Variants in KDM5A observed in about 807,000 individuals in gnomAD.
KDM5A encodes the protein lysine-specific demethylase 5A.
In KDM5A, 42 loss-of-function variants were observed where a neutral mutation model predicts 193.5. The observed-to-expected ratio is 0.22, with a 90% CI of 0.17 to 0.28. KDM5A has a LOEUF of 0.28. Ranked by LOEUF, KDM5A falls within the 10% of genes least tolerant of loss-of-function variation. The pLI is 1.00. For synonymous variants in KDM5A, 796 were observed against 718.1 expected (o/e 1.11, Z -1.73); for missense variants, 1,692 against 2,055.1 (o/e 0.82, Z 3.42).
intron 10 of KDM5A, among the ~76,000 whole-genome samples, chr12:339,284 G>A: frequency 6.6e-6 from 1 of 152,034 alleles, no homozygotes; most frequent in East Asian, 1.9e-4. Flanking sequence ...GTGAAAAGCT[G>A]GTAGTTATCT....
At chr12:354,305 G>T in intron 7 of KDM5A, 71 bp from the exon 8 acceptor site, 2 of 1,078,700 alleles carry the variant, frequency 1.9e-6, no homozygotes, top group Non-Finnish European at 2.7e-6. Flanking sequence ...GAACTCCTTA[G>T]CTGAAATAAA....
Position 283,558 on chromosome 12 carries a change from G to GT in KDM5A, c.*1897dup. The GT allele has an allele frequency of 4.3e-6, 1 of 232,018 alleles. No homozygotes were observed. Among genetic ancestry groups the GT allele is most frequent in the Non-Finnish European group, 8.5e-6 (1 of 117,276 alleles). 14.4% of individuals were successfully genotyped at this position (232,018 alleles called of 1,614,324 possible). A position where few individuals can be genotyped will look rare whatever the true frequency, so the allele number is the denominator to read the frequency against. On this transcript the variant is annotated 3_prime_UTR_variant, in exon 28 of 28. Coordinates refer to ENST00000399788, the MANE Select transcript of KDM5A (RefSeq NM_001042603.3). ...TTTATAAGAAAACATCTTTTTTTTTGTAAGATTCCTTTTGAGTTAAATCTC... is the reference window on the plus strand; with the variant it reads ...TTTATAAGAAAACATCTTTTTTTTTGTTAAGATTCCTTTTGAGTTAAATCTC...
chr12:351,324 C>T (rs1229060847), intron 9 of KDM5A, among the ~76,000 whole-genome samples: 3 of 152,038 alleles, frequency 2.0e-5, no homozygotes, highest in African/African-American at 4.8e-5. Context: ...GTTTTCTGCT[C>T]CTGTGTTAGT....
chr12:285,347 C>T lies in KDM5A; in HGVS notation c.*109G>A. On this transcript the variant is annotated 3_prime_UTR_variant, in exon 28 of 28. Transcript: ENST00000399788. The stretch of plus-strand genomic sequence containing the variant: ...CACTAAGGGGACTTTCTCTGAAGGC[C>T]ATTCATCTTTGGAAGCAACATTCCA... The T allele has an allele frequency of 4.2e-6, 4 of 944,344 alleles. No individual in the cohort carries two copies. The highest frequency in any genetic ancestry group is 2.0e-5 in the Admixed American group (1 of 51,040). 58.5% of individuals were successfully genotyped at this position (944,344 alleles called of 1,614,324 possible).
intron 27 of KDM5A, among the ~76,000 whole-genome samples, chr12:288,480 G>T (rs1943249819): frequency 6.6e-6 from 1 of 152,078 alleles, no homozygotes; most frequent in East Asian, 1.9e-4. Flanking sequence ...TTAAAAAGAG[G>T]AAATATTAGT....
Position 388,623 on chromosome 12 carries a change from T to A in KDM5A, c.165+304A>T, listed in dbSNP as rs532100246. On this transcript the variant is annotated intron_variant, in intron 1 of 27. Transcript: ENST00000399788. The stretch of plus-strand genomic sequence containing the variant: ...ATACGTGAGGGAAGAATACGTCACG[T>A]CATAATACTGTACTTTAAACACCAT... The A allele has an allele frequency of 1.6e-4, 75 of 466,818 alleles. 2 individuals are homozygous for A. Among genetic ancestry groups the A allele is most frequent in the South Asian group, 1.3e-3 (64 of 47,458 alleles). 28.9% of individuals were successfully genotyped at this position (466,818 alleles called of 1,614,324 possible).
At chr12:305,978 T>TTTTG (rs1555128076) in intron 24 of KDM5A, among the ~76,000 whole-genome samples, 3 of 143,334 alleles carry the variant, frequency 2.1e-5, no homozygotes, top group South Asian at 3.1e-4. Context: ...TGTTTTTTTT[T>TTTTG]TTTTTTTTTT....
At position 285,321 on chromosome 12, in the gene KDM5A, G is replaced by C; in HGVS notation, c.*135C>G. Reference sequence around the variant, plus strand: ...CAGAGTCCATGCAAAGAGGAAGCCAGCACTAAGGGGACTTTCTCTGAAGGC... The same window carrying C: ...CAGAGTCCATGCAAAGAGGAAGCCACCACTAAGGGGACTTTCTCTGAAGGC... On this transcript the variant is annotated 3_prime_UTR_variant, in exon 28 of 28. Transcript: ENST00000399788. The C allele has an allele frequency of 2.7e-6, 2 of 730,372 alleles. No individual in the cohort carries two copies. Among genetic ancestry groups the C allele is most frequent in the South Asian group, 1.7e-5 (1 of 58,734 alleles). 45.2% of individuals were successfully genotyped at this position (730,372 alleles called of 1,614,324 possible).
Position 352,205 on chromosome 12 carries a change from A to G in KDM5A, c.1149T>C (p.His383=), listed in dbSNP as rs1368634321. 7 of 1,612,640 alleles carry G rather than the reference A, an allele frequency of 4.3e-6. No individual in the cohort carries two copies. Among genetic ancestry groups the G allele is most frequent in the Middle Eastern group, 1.7e-4 (1 of 6,048 alleles). ...FKSDYFNMPV[H]MVPTELVEKE... ...CCGACCTAAAAGATAGCTTACTCAC[A>G]TGGACTGGCATATTAAAATAATCAG... Residue 383 remains histidine, a splice_region_variant and synonymous_variant, in exon 9 of 28, where the codon CAT becomes CAC. Coordinates refer to ENST00000399788, the MANE Select transcript of KDM5A (RefSeq NM_001042603.3).
intron 20 of KDM5A, 143 bp from the exon 21 acceptor site, chr12:311,207 T>C (rs1943581823): frequency 1.4e-6 from 1 of 730,118 alleles, no homozygotes; most frequent in Admixed American, 2.4e-5. Context: ...TGAATTAATA[T>C]AACTTCCAAT....
At chr12:302,139 C>T (rs1417431412) in intron 24 of KDM5A, among the ~76,000 whole-genome samples, 1 of 152,170 alleles carries the variant, frequency 6.6e-6, no homozygotes, top group Non-Finnish European at 1.5e-5. Context: ...ATCAAGCTAC[C>T]ACTGACTTTC....
intron 27 of KDM5A, 52 bp downstream of exon 27, chr12:292,707 C>T (rs1475270566): frequency 1.9e-6 from 3 of 1,612,444 alleles, no homozygotes; most frequent in African/African-American, 2.7e-5. Context: ...TGTGTCTCCA[C>T]AACTGTTGCT....
At position 313,085 on chromosome 12, in the gene KDM5A, C is replaced by G. The variant is rs1327662003; in HGVS notation, c.3007G>C (p.Glu1003Gln). The part of the protein sequence containing the change: ...SLKEALQKAR[E>Q]WTAKVEAIQS... ...ATAGCTTCCACTTTAGCGGTCCATTCTCGAGCCTTTTGTAAGGCTTCTTTC... is the reference window on the plus strand; with the variant it reads ...ATAGCTTCCACTTTAGCGGTCCATTGTCGAGCCTTTTGTAAGGCTTCTTTC... The change falls in exon 20 of 28, where the codon GAA becomes CAA. Residue 1003 changes from glutamate (E) to glutamine (Q), a missense_variant. This residue lies in a region of KDM5A where 965 missense variants were observed against 1,061.0 expected (regional missense o/e 0.91). Transcript: ENST00000399788. 1 of 1,614,152 alleles carries G rather than the reference C, an allele frequency of 6.2e-7. No homozygotes were observed. Among genetic ancestry groups the G allele is most frequent in the Admixed American group, 1.7e-5 (1 of 60,020 alleles).
intron 12 of KDM5A, among the ~76,000 whole-genome samples, chr12:332,826 A>C (rs1329744888): frequency 6.6e-6 from 1 of 152,194 alleles, no homozygotes; most frequent in African/African-American, 2.4e-5. Flanking sequence ...AAGCATCCTT[A>C]TTAGTGATTA....
At position 380,721 on chromosome 12, in the gene KDM5A, TA is replaced by T. The variant is rs112993740; in HGVS notation, c.366+3309del. On this transcript the variant is annotated intron_variant, in intron 3 of 27. Coordinates refer to ENST00000399788, the MANE Select transcript of KDM5A (RefSeq NM_001042603.3). The stretch of plus-strand genomic sequence containing the variant: ...CTGGGCAAAAGAGTGAGACTCTGTC[TA>T]AAAAAAAAAAGTAGAAAGAGCTTCA... Among the ~76,000 whole-genome samples the T allele has an allele frequency of 5.2e-3, 750 of 143,042 alleles. 8 individuals carry two copies. Among genetic ancestry groups the T allele is most frequent in the African/African-American group, 0.017 (655 of 39,224 alleles). 93.8% of individuals were successfully genotyped at this position (143,042 alleles called of 152,430 possible).
intron 18 of KDM5A, 125 bp downstream of exon 18, chr12:320,870 G>C: frequency 2.7e-6 from 2 of 751,710 alleles, no homozygotes; most frequent in Non-Finnish European, 4.8e-6. Context: ...TCAAATAGCA[G>C]CATATATGTG....
chr12:312,564 A>T (rs1943601534), intron 20 of KDM5A, among the ~76,000 whole-genome samples: 1 of 152,252 alleles, frequency 6.6e-6, no homozygotes, highest in Non-Finnish European at 1.5e-5. Context: ...TTAAGTAGGT[A>T]ATAATTATTC....
intron 10 of KDM5A, among the ~76,000 whole-genome samples, chr12:346,649 G>A (rs1206044350): frequency 1.3e-5 from 2 of 152,134 alleles, no homozygotes; most frequent in Admixed American, 6.5e-5. Context: ...CACATAAACA[G>A]AACCAATGAC....
chr12:325,322 G>T (rs114631111), intron 14 of KDM5A, among the ~76,000 whole-genome samples: 1 of 152,322 alleles, frequency 6.6e-6, no homozygotes, highest in African/African-American at 2.4e-5. Flanking sequence ...GCTGCTTCAA[G>T]AAATTTTATA....
Sources: gnomAD v4.1 joint callset for allele counts (sites outside exome capture counted in the v4.1 genomes callset) on GRCh38, gnomAD v4.1.1 for gene constraint, gnomAD v4.1.1 regional missense constraint, MANE v1.5 for transcripts, NCBI Gene and HGNC (gene_info 2026-07-23, HGNC 2026-07-21) for gene names.